The following GTF2A1L variants were observed in gnomAD, a reference collection of about 807,000 sequenced individuals.
The protein encoded by GTF2A1L is TFIIA-alpha and beta-like factor.
GTF2A1L carries 48 observed loss-of-function variants against 49.7 expected under a neutral mutation model. The ratio of observed to expected loss-of-function variants is 0.97; its 90% CI spans 0.77 to 1.23. The LOEUF is 1.23. Among genes scored for constraint, GTF2A1L ranks in the 50% most tolerant of loss-of-function variants. The probability of loss-of-function intolerance (pLI) is 0.00; values close to 1 mark genes in which losing one functional copy is unlikely to be tolerated. For missense variants in GTF2A1L, 736 were observed against 564.8 expected (o/e 1.30, Z -3.07); for synonymous variants, 246 against 193.5 (o/e 1.27, Z -2.25).
intron 6 of GTF2A1L, among the ~76,000 whole-genome samples, chr2:48,648,523 G>T (rs10201719): frequency 6.6e-6 from 1 of 151,964 alleles, no homozygotes; most frequent in Non-Finnish European, 1.5e-5. Context: ...GGGGGTAGTG[G>T]TTGAGAACAT....
At chr2:48,672,184 A>T (rs987080779) in intron 8 of GTF2A1L, among the ~76,000 whole-genome samples, 4 of 152,212 alleles carry the variant, frequency 2.6e-5, no homozygotes, top group Non-Finnish European at 5.9e-5. Flanking sequence ...TGTAGGATAC[A>T]GGTAAATATG....
At chr2:48,670,638 AT>A (rs1338356911) in intron 7 of GTF2A1L, among the ~76,000 whole-genome samples, 1 of 152,146 alleles carries the variant, frequency 6.6e-6, no homozygotes, top group African/African-American at 2.4e-5. Flanking sequence ...ATTAGCTATA[AT>A]TTATGGCAGC....
At position 48,646,609 on chromosome 2, in the gene GTF2A1L, C is replaced by A; in HGVS notation, c.545C>A (p.Ala182Glu). 1 of 1,614,102 alleles carries A rather than the reference C, an allele frequency of 6.2e-7. No homozygotes were observed. Among genetic ancestry groups the A allele is most frequent in the Non-Finnish European group, 8.5e-7 (1 of 1,180,018 alleles). Residue 182 changes from alanine to glutamate, a missense_variant, in exon 6 of 9, where the codon GCA becomes GAA. Coordinates refer to ENST00000403751, the MANE Select transcript of GTF2A1L (RefSeq NM_006872.5). ...VPQLNPWSLQ[A>E]TTEKSQRIET... The stretch of plus-strand genomic sequence containing the variant: ...CAATTGAATCCATGGTCTCTTCAAG[C>A]AACTACTGAAAAATCACAGAGAATT...
Position 48,636,722 on chromosome 2 carries a change from G to A in GTF2A1L, c.248-5680G>A, listed in dbSNP as rs146959511. 2.8e-3 allele frequency among the ~76,000 whole-genome samples: 424 copies of A among 152,240 alleles called. 2 individuals carry two copies. Among genetic ancestry groups the A allele is most frequent in the African/African-American group, 9.4e-3 (391 of 41,542 alleles). On this transcript the variant is annotated intron_variant, in intron 3 of 8. Coordinates refer to ENST00000403751, the MANE Select transcript of GTF2A1L (RefSeq NM_006872.5). ...CGAGAACTGTTGTTCTGCATGTAGG[G>A]TGACTATATGTAATTTATAATCTAG...
intron 8 of GTF2A1L, among the ~76,000 whole-genome samples, chr2:48,673,164 A>G (rs1679261341): frequency 6.6e-6 from 1 of 152,170 alleles, no homozygotes. Context: ...AGTCTATTGA[A>G]TGGATATACC....
intron 6 of GTF2A1L, among the ~76,000 whole-genome samples, chr2:48,666,633 G>T (rs1678862329): frequency 6.6e-6 from 1 of 151,492 alleles, no homozygotes; most frequent in Non-Finnish European, 1.5e-5. Flanking sequence ...GTGTGTTTGT[G>T]TTCTTCCTTT....
intron 6 of GTF2A1L, among the ~76,000 whole-genome samples, chr2:48,664,813 G>A (rs1193465799): frequency 6.6e-6 from 1 of 152,060 alleles, no homozygotes; most frequent in Non-Finnish European, 1.5e-5. Context: ...ATGCCTCTAG[G>A]ATCTATGTAA....
intron 8 of GTF2A1L, among the ~76,000 whole-genome samples, chr2:48,677,224 G>T (rs1003998442): frequency 6.6e-6 from 1 of 151,620 alleles, no homozygotes; most frequent in Admixed American, 6.6e-5. Context: ...CAACTTGTCT[G>T]GTTCAAAATA....
At chr2:48,664,646 T>C (rs534493138) in intron 6 of GTF2A1L, among the ~76,000 whole-genome samples, 12 of 152,312 alleles carry the variant, frequency 7.9e-5, no homozygotes, top group Admixed American at 3.9e-4. Flanking sequence ...AATTTTTCCT[T>C]GTGGGAAGGT....
chr2:48,671,813 C>CT (rs1679184869), intron 8 of GTF2A1L, 133 bp downstream of exon 8: 2 of 853,192 alleles, frequency 2.3e-6, no homozygotes, highest in Admixed American at 5.7e-5. Context: ...TCTGGAAATT[C>CT]TGAGTGTGTA....
intron 6 of GTF2A1L, among the ~76,000 whole-genome samples, chr2:48,649,058 T>A (rs1456065971): frequency 6.6e-6 from 1 of 152,188 alleles, no homozygotes; most frequent in African/African-American, 2.4e-5. Context: ...ATCTATGTTG[T>A]TTGAACATTC....
intron 6 of GTF2A1L, among the ~76,000 whole-genome samples, chr2:48,662,999 C>G (rs1002852499): frequency 6.6e-6 from 1 of 151,970 alleles, no homozygotes; most frequent in Non-Finnish European, 1.5e-5. Flanking sequence ...TATCTGTAAA[C>G]TAAACCCCCG....
At chr2:48,643,988 C>T (rs1054420068) in intron 4 of GTF2A1L, among the ~76,000 whole-genome samples, 3 of 151,966 alleles carry the variant, frequency 2.0e-5, no homozygotes, top group African/African-American at 2.4e-5. Context: ...CGTGAGCCAC[C>T]GTGCCCGGCC....
intron 3 of GTF2A1L, among the ~76,000 whole-genome samples, chr2:48,636,533 C>G (rs544000072): frequency 3.9e-5 from 6 of 152,268 alleles, no homozygotes; most frequent in African/African-American, 1.4e-4. Context: ...TACAGTTTTA[C>G]TTGTTATTGC....
intron 1 of GTF2A1L, among the ~76,000 whole-genome samples, chr2:48,618,845 G>T (rs947014656): frequency 8.5e-5 from 13 of 152,168 alleles, no homozygotes; most frequent in Non-Finnish European, 1.3e-4. Context: ...TGTGGTCATA[G>T]AAGAGAAAAT....
At chr2:48,648,222 G>T (rs1677645802) in intron 6 of GTF2A1L, among the ~76,000 whole-genome samples, 2 of 151,606 alleles carry the variant, frequency 1.3e-5, no homozygotes, top group African/African-American at 2.4e-5. Context: ...TTTTATTGAG[G>T]TTTTTTTTAC....
chr2:48,627,094 C>T lies in GTF2A1L; in HGVS notation c.247+5804C>T, dbSNP rs77826900. 7.9e-3 allele frequency among the ~76,000 whole-genome samples: 1,129 copies of T among 143,278 alleles called. 89 individuals carry two copies. The highest frequency in any genetic ancestry group is 0.025 in the African/African-American group (997 of 40,396). 94.0% of individuals were successfully genotyped at this position (143,278 alleles called of 152,430 possible). On this transcript the variant is annotated intron_variant, in intron 3 of 8. Transcript: ENST00000403751. ...GTTGGGAGGTTTTTAATTACTACCT[C>T]GATCTCTTTATTTTTTATATCTGTT... is the stretch of plus-strand genomic sequence containing the variant.
chr2:48,643,693 ATTTTTTT>A (rs71399070), intron 4 of GTF2A1L, among the ~76,000 whole-genome samples: 6 of 120,788 alleles, frequency 5.0e-5, no homozygotes, highest in African/African-American at 1.8e-4. Context: ...TATTAATACA[ATTTTTTT>A]TTTTTTTTTT....
intron 3 of GTF2A1L, among the ~76,000 whole-genome samples, chr2:48,622,505 G>T (rs1288930973): frequency 6.6e-6 from 1 of 152,030 alleles, no homozygotes; most frequent in African/African-American, 2.4e-5. Context: ...TGCTAAAGAT[G>T]TTTTTTTAAC....
Sources: allele counts gnomAD v4.1 joint callset (sites outside exome capture counted in the v4.1 genomes callset), GRCh38; gene constraint gnomAD v4.1.1; transcripts MANE v1.5; gene names NCBI Gene and HGNC (gene_info 2026-07-23, HGNC 2026-07-21).